TSHZ2: variants seen among roughly 807,000 people sequenced by gnomAD.
TSHZ2 encodes teashirt zinc finger homeobox 2.
TSHZ2 carries 21 observed loss-of-function variants against 74.4 expected under a neutral mutation model. That is an observed-to-expected ratio of 0.28 (90% CI 0.20 to 0.41). TSHZ2 has a LOEUF of 0.41. Among genes scored for constraint, TSHZ2 ranks in the 10% least tolerant of loss-of-function variants. The pLI is 1.00. For missense variants in TSHZ2, 1,244 were observed against 1,293.5 expected (o/e 0.96, Z 0.59); for synonymous variants, 540 against 515.3 (o/e 1.05, Z -0.65).
intron 1 of TSHZ2, among the ~76,000 whole-genome samples, chr20:53,001,222 G>GTGTATGTGTGTGTGTGTA (rs1555813599): frequency 6.8e-6 from 1 of 147,268 alleles, no homozygotes; most frequent in African/African-American, 2.5e-5. Flanking sequence ...GTGTGTGTGT[G>GTGTATGTGTGTGTGTGTA]TGTGTGTGTG....
intron 2 of TSHZ2, among the ~76,000 whole-genome samples, chr20:53,462,246 C>T (rs1985401301): frequency 6.6e-6 from 1 of 152,044 alleles, no homozygotes; most frequent in African/African-American, 2.4e-5. Flanking sequence ...ACTGCAAAAC[C>T]CTGTCTCAAA....
At chr20:52,999,164 C>A (rs188304443) in intron 1 of TSHZ2, among the ~76,000 whole-genome samples, 48 of 151,902 alleles carry the variant, frequency 3.2e-4, no homozygotes, top group African/African-American at 1.2e-3. Context: ...CTCATGCTCT[C>A]CCTTGGGTTG....
intron 1 of TSHZ2, among the ~76,000 whole-genome samples, chr20:52,979,010 C>G (rs1448834958): frequency 6.6e-6 from 1 of 151,680 alleles, no homozygotes; most frequent in Non-Finnish European, 1.5e-5. Context: ...TCTCACATTC[C>G]TTAGGGTGAT....
intron 2 of TSHZ2, among the ~76,000 whole-genome samples, chr20:53,478,517 T>C (rs1282093293): frequency 4.9e-5 from 3 of 61,270 alleles, no homozygotes; most frequent in Non-Finnish European, 9.0e-5. Context: ...TGTTGTAGGG[T>C]GGGGGGAGGG....
chr20:53,338,726 G>A (rs1488631919), intron 2 of TSHZ2, among the ~76,000 whole-genome samples: 22 of 144,326 alleles, frequency 1.5e-4, no homozygotes, highest in African/African-American at 6.1e-4. Context: ...CTAAATGTCA[G>A]GAGTACTCAG....
At position 53,139,241 on chromosome 20, in the gene TSHZ2, T is replaced by G. The variant is rs539546907; in HGVS notation, c.41-114258T>G. Reference sequence around the variant, plus strand: ...TTCTCGGTTTCACCAGAGCAGAGACTAAGGCTATTTTGTTCATTGCAGTAT... The same window carrying G: ...TTCTCGGTTTCACCAGAGCAGAGACGAAGGCTATTTTGTTCATTGCAGTAT... On this transcript the variant is annotated intron_variant, in intron 1 of 2. Coordinates refer to ENST00000371497, the MANE Select transcript of TSHZ2 (RefSeq NM_173485.6). 2.0e-5 allele frequency among the ~76,000 whole-genome samples: 3 copies of G among 152,326 alleles called. No homozygotes were observed. In the South Asian group the frequency reaches 6.2e-4, roughly 32 times the overall value.
intron 1 of TSHZ2, among the ~76,000 whole-genome samples, chr20:53,212,941 G>A (rs1989348695): frequency 6.6e-6 from 1 of 152,166 alleles, no homozygotes; most frequent in Non-Finnish European, 1.5e-5. Flanking sequence ...GGTGGTTGGT[G>A]TGGGTTGACT....
At chr20:53,469,048 TATATATATA>T (rs1568931540) in intron 2 of TSHZ2, among the ~76,000 whole-genome samples, 1,880 of 93,736 alleles carry the variant, frequency 0.02, 68 homozygotes, top group African/African-American at 0.079. Context: ...CGATATTTTA[TATATATATA>T]TATATATATA....
intron 2 of TSHZ2, among the ~76,000 whole-genome samples, chr20:53,370,073 A>G (rs1404564177): frequency 6.6e-6 from 1 of 152,160 alleles, no homozygotes; most frequent in Admixed American, 6.5e-5. Flanking sequence ...ACGGTGTCGT[A>G]GGAAGTTCAG....
chr20:53,035,546 T>G (rs565576187), intron 1 of TSHZ2, among the ~76,000 whole-genome samples: 1 of 152,200 alleles, frequency 6.6e-6, no homozygotes, highest in African/African-American at 2.4e-5. Context: ...AGTGAATATT[T>G]CCTGTGGTAT....
intron 2 of TSHZ2, among the ~76,000 whole-genome samples, chr20:53,455,791 A>G (rs1985047470): frequency 6.7e-6 from 1 of 149,394 alleles, no homozygotes; most frequent in Non-Finnish European, 1.5e-5. Context: ...ATTCCCACCT[A>G]TGAGTGAGAA....
At chr20:53,205,431 C>T (rs1989143076) in intron 1 of TSHZ2, among the ~76,000 whole-genome samples, 1 of 152,180 alleles carries the variant, frequency 6.6e-6, no homozygotes, top group Admixed American at 6.5e-5. Flanking sequence ...ATTCTTTCTG[C>T]ATTGAGCTGA....
intron 1 of TSHZ2, among the ~76,000 whole-genome samples, chr20:52,974,642 T>C (rs986726424): frequency 1.3e-5 from 2 of 152,220 alleles, no homozygotes; most frequent in Non-Finnish European, 2.9e-5. Context: ...GGTGGAACAC[T>C]TTCATAAACT....
intron 2 of TSHZ2, among the ~76,000 whole-genome samples, chr20:53,323,563 C>CTT (rs34687825): frequency 0.13 from 4,897 of 36,622 alleles, 2,055 homozygotes; most frequent in Non-Finnish European, 0.18. Context: ...CCTTGGAGGG[C>CTT]TTTTTTTTTT....
At chr20:53,190,733 C>T (rs1306622461) in intron 1 of TSHZ2, among the ~76,000 whole-genome samples, 1 of 152,106 alleles carries the variant, frequency 6.6e-6, no homozygotes, top group Non-Finnish European at 1.5e-5. Flanking sequence ...ATAAAAGCTT[C>T]CAGGTAGCTG....
intron 2 of TSHZ2, among the ~76,000 whole-genome samples, chr20:53,283,188 T>C (rs1991098670): frequency 6.6e-6 from 1 of 152,078 alleles, no homozygotes; most frequent in African/African-American, 2.4e-5. Context: ...CTTAAAGAGG[T>C]TAAGTAAGTG....
intron 1 of TSHZ2, among the ~76,000 whole-genome samples, chr20:53,242,009 T>C (rs191296936): frequency 6.6e-6 from 1 of 152,256 alleles, no homozygotes; most frequent in African/African-American, 2.4e-5. Context: ...AACCACTCTC[T>C]TTTAATAATA....
intron 2 of TSHZ2, among the ~76,000 whole-genome samples, chr20:53,469,084 T>TATATATATATATATATATATATATAC (rs1351403317): frequency 7.6e-6 from 1 of 132,352 alleles, no homozygotes; most frequent in African/African-American, 2.8e-5. Context: ...TATATATATA[T>TATATATATATATATATATATATATAC]GTACATATTC....
chr20:53,214,555 A>C (rs567277620), intron 1 of TSHZ2, among the ~76,000 whole-genome samples: 44 of 152,290 alleles, frequency 2.9e-4, no homozygotes, highest in African/African-American at 1.0e-3. Context: ...TCTACTAATA[A>C]TATAAAAAAT....
Sources: allele counts gnomAD v4.1 joint callset (sites outside exome capture counted in the v4.1 genomes callset), GRCh38; gene constraint gnomAD v4.1.1; transcripts MANE v1.5; gene names NCBI Gene and HGNC (gene_info 2026-07-23, HGNC 2026-07-21).